FOXP1: variants seen among roughly 807,000 people sequenced by gnomAD.
FOXP1 encodes the protein forkhead box protein P1.
A neutral mutation model predicts 98.2 loss-of-function variants in FOXP1; 15 were observed. That is an observed-to-expected ratio of 0.15 (90% CI 0.10 to 0.24). The LOEUF is 0.24. Among genes scored for constraint, FOXP1 ranks in the 10% least tolerant of loss-of-function variants. The pLI is 1.00. For synonymous variants in FOXP1, 371 were observed against 314.5 expected (o/e 1.18, Z -1.90); for missense variants, 633 against 848.5 (o/e 0.75, Z 3.15).
intron 1 of FOXP1, 163 bp from the exon 2 acceptor site, chr3:71,581,860 G>A: frequency 1.0e-6 from 1 of 985,784 alleles, no homozygotes; most frequent in Non-Finnish European, 1.2e-6. Context: ...AGAGGATGCG[G>A]CTCAGGGAAT....
At chr3:71,562,477 G>A (rs992846556) in intron 2 of FOXP1, among the ~76,000 whole-genome samples, 11 of 152,288 alleles carry the variant, frequency 7.2e-5, no homozygotes, top group Admixed American at 6.5e-4. Flanking sequence ...TGAACTATGT[G>A]TTGGGCTGGA....
chr3:71,231,093 G>T (rs967513414), intron 5 of FOXP1, among the ~76,000 whole-genome samples: 7 of 152,148 alleles, frequency 4.6e-5, no homozygotes, highest in African/African-American at 1.7e-4. Flanking sequence ...TCATTTTGGT[G>T]AAAAATCATG....
At chr3:71,194,261 CAAA>C (rs11445848) in intron 6 of FOXP1, among the ~76,000 whole-genome samples, 9 of 113,750 alleles carry the variant, frequency 7.9e-5, no homozygotes, top group South Asian at 2.8e-4. Flanking sequence ...CAGGTGGTAC[CAAA>C]AAAAAAAAAA....
At chr3:71,523,866 G>A (rs1048522539) in intron 2 of FOXP1, among the ~76,000 whole-genome samples, 5 of 152,170 alleles carry the variant, frequency 3.3e-5, no homozygotes, top group East Asian at 1.9e-4. Context: ...TGCTAAACTC[G>A]AGGGAGGGCA....
At position 70,958,823 on chromosome 3, in the gene FOXP1, G is replaced by T. The variant is rs1266400346; in HGVS notation, c.*424C>A. ...TACTGTGCAAATAGGTCGTCCATTGGAATCCTTAAATTCTGGGCAAAGGCT... is the reference window on the plus strand; with the variant it reads ...TACTGTGCAAATAGGTCGTCCATTGTAATCCTTAAATTCTGGGCAAAGGCT... On this transcript the variant is annotated 3_prime_UTR_variant, in exon 21 of 21. Coordinates refer to ENST00000649528, the MANE Select transcript of FOXP1 (RefSeq NM_001349338.3). 1 of 345,846 alleles carries T rather than the reference G, an allele frequency of 2.9e-6. No homozygotes were observed. The highest frequency in any genetic ancestry group is 5.4e-6 in the Non-Finnish European group (1 of 186,144). 21.4% of individuals were successfully genotyped at this position (345,846 alleles called of 1,614,324 possible). A position where few individuals can be genotyped will look rare whatever the true frequency, so the allele number is the denominator to read the frequency against.
At chr3:71,199,527 G>C (rs1171433838) in intron 5 of FOXP1, among the ~76,000 whole-genome samples, 1 of 148,590 alleles carries the variant, frequency 6.7e-6, no homozygotes, top group Non-Finnish European at 1.5e-5. Context: ...AGGAGTTCGA[G>C]ACCAGTCTGG....
intron 2 of FOXP1, among the ~76,000 whole-genome samples, chr3:71,579,612 TTTTC>T (rs1162907831): frequency 5.6e-5 from 8 of 143,586 alleles, no homozygotes; most frequent in African/African-American, 2.1e-4. Context: ...GAGATTTTTT[TTTTC>T]TTTTTTTTCT....
chr3:71,262,719 A>G (rs1405545944), intron 5 of FOXP1, among the ~76,000 whole-genome samples: 1 of 152,140 alleles, frequency 6.6e-6, no homozygotes, highest in East Asian at 1.9e-4. Flanking sequence ...GATTTGGAGG[A>G]GAGATTTCCA....
At chr3:71,000,834 T>C (rs995647551) in intron 13 of FOXP1, 138 bp downstream of exon 13, 15 of 344,782 alleles carry the variant, frequency 4.4e-5, no homozygotes, top group Non-Finnish European at 7.8e-5. Context: ...TAAAATAAAA[T>C]AAAATAAAAT....
chr3:71,109,836 G>A (rs1347904114), intron 7 of FOXP1, among the ~76,000 whole-genome samples: 3 of 151,974 alleles, frequency 2.0e-5, no homozygotes, highest in Non-Finnish European at 4.4e-5. Context: ...TTCAGCAATC[G>A]TCTGTGATAC....
At position 71,017,587 on chromosome 3, in the gene FOXP1, T is replaced by G. The variant is rs144920652; in HGVS notation, c.870-1934A>C. On this transcript the variant is annotated intron_variant, in intron 11 of 20. Coordinates refer to ENST00000649528, the MANE Select transcript of FOXP1 (RefSeq NM_001349338.3). ...TTATATCATTCTTTTATATTTAACA[T>G]AATTTTGTAAATACTTTCTCATGTT... is the stretch of plus-strand genomic sequence containing the variant. Among the ~76,000 whole-genome samples, 50 of 152,100 alleles carry G rather than the reference T, an allele frequency of 3.3e-4. No individual in the cohort carries two copies. The East Asian group carries it at 8.7e-3, about 26-fold the overall frequency.
At chr3:71,218,206 T>G (rs2065088202) in intron 5 of FOXP1, among the ~76,000 whole-genome samples, 1 of 152,152 alleles carries the variant, frequency 6.6e-6, no homozygotes, top group Non-Finnish European at 1.5e-5. Flanking sequence ...CTCACAAACT[T>G]TAGGAATTTA....
intron 3 of FOXP1, among the ~76,000 whole-genome samples, chr3:71,413,404 AG>A (rs1337196231): frequency 6.6e-6 from 1 of 151,942 alleles, no homozygotes; most frequent in Non-Finnish European, 1.5e-5. Context: ...ATGATAGAGC[AG>A]AATGGCACAC....
chr3:71,486,546 G>A (rs2090664253), intron 3 of FOXP1, among the ~76,000 whole-genome samples: 2 of 152,082 alleles, frequency 1.3e-5, no homozygotes, highest in Non-Finnish European at 1.5e-5. Flanking sequence ...AACAATTCAC[G>A]TGTTCACCAC....
chr3:71,411,618 G>A (rs777005649), intron 3 of FOXP1, among the ~76,000 whole-genome samples: 4 of 152,272 alleles, frequency 2.6e-5, no homozygotes, highest in Non-Finnish European at 4.4e-5. Flanking sequence ...CACTGCGCCC[G>A]GCTGAATGGT....
At chr3:71,498,701 A>C (rs2041096464) in intron 2 of FOXP1, among the ~76,000 whole-genome samples, 1 of 152,190 alleles carries the variant, frequency 6.6e-6, no homozygotes, top group African/African-American at 2.4e-5. Context: ...GCAAACTGAC[A>C]TCATATGCTG....
chr3:71,365,637 C>T (rs1703557234), intron 3 of FOXP1, among the ~76,000 whole-genome samples: 1 of 152,130 alleles, frequency 6.6e-6, no homozygotes, highest in South Asian at 2.1e-4. Context: ...CTAAAAGTTT[C>T]AAAATCAGGC....
intron 5 of FOXP1, chr3:71,245,494 G>A (rs1370507731): frequency 6.6e-6 from 1 of 151,922 alleles, no homozygotes; most frequent in Non-Finnish European, 1.5e-5. Flanking sequence ...TAAAGACCGT[G>A]CCAGTTTAAT....
intron 5 of FOXP1, among the ~76,000 whole-genome samples, chr3:71,277,503 A>G (rs2071037655): frequency 6.6e-6 from 1 of 152,132 alleles, no homozygotes; most frequent in South Asian, 2.1e-4. Flanking sequence ...CCTGTCCACT[A>G]TCGACACCAC....
Sources: gnomAD v4.1 joint callset for allele counts (sites outside exome capture counted in the v4.1 genomes callset) on GRCh38, gnomAD v4.1.1 for gene constraint, MANE v1.5 for transcripts, NCBI Gene and HGNC (gene_info 2026-07-23, HGNC 2026-07-21) for gene names.